TACC2: variants seen among roughly 807,000 people sequenced by gnomAD.
TACC2 encodes transforming acidic coiled-coil-containing protein 2.
A neutral mutation model predicts 227.3 loss-of-function variants in TACC2; 137 were observed. The ratio of observed to expected loss-of-function variants is 0.60; its 90% CI spans 0.52 to 0.69. TACC2 has a LOEUF of 0.69. TACC2 is among the 30% of genes least tolerant of loss of function. TACC2 has a pLI of 0.00. For missense variants in TACC2, 3,470 were observed against 3,694.4 expected, an observed-to-expected ratio of 0.94 and a Z score of 1.57; for synonymous variants, 1,523 against 1,487.5, an observed-to-expected ratio of 1.02 and a Z score of -0.55.
At chr10:122,096,600 G>C (rs1442753703) in intron 5 of TACC2, among the ~76,000 whole-genome samples, 6 of 151,922 alleles carry the variant, frequency 3.9e-5, no homozygotes, top group African/African-American at 1.5e-4. Context: ...GGAGGCTGAG[G>C]TGGGAGAATC....
intron 20 of TACC2, 108 bp from the exon 21 acceptor site, chr10:122,248,942 C>A: frequency 1.3e-6 from 2 of 1,486,028 alleles, no homozygotes; most frequent in Non-Finnish European, 1.9e-6. Flanking sequence ...GGGAGGCAGA[C>A]TTGGCCGCCT....
intron 7 of TACC2, chr10:122,163,730 C>A: frequency 1.8e-6 from 2 of 1,118,904 alleles, no homozygotes; most frequent in Non-Finnish European, 2.2e-6. Flanking sequence ...CGGCGCTCGC[C>A]CCCCGGCCCC....
At chr10:122,158,337 T>C (rs1184331263) in intron 7 of TACC2, among the ~76,000 whole-genome samples, 2 of 151,260 alleles carry the variant, frequency 1.3e-5, no homozygotes, top group African/African-American at 4.9e-5. Context: ...TGCAGTGAGC[T>C]GAGATCGTGC....
intron 8 of TACC2, among the ~76,000 whole-genome samples, chr10:122,208,704 C>A (rs965052562): frequency 4.6e-5 from 7 of 152,170 alleles, no homozygotes; most frequent in African/African-American, 1.7e-4. Context: ...ACATCCTGTC[C>A]TTTGTCTGGC....
At chr10:122,105,380 A>T (rs990208525) in intron 5 of TACC2, among the ~76,000 whole-genome samples, 3 of 152,082 alleles carry the variant, frequency 2.0e-5, no homozygotes, top group Admixed American at 2.0e-4. Flanking sequence ...GCAGTCTGGG[A>T]TGGAGGGGGA....
intron 5 of TACC2, among the ~76,000 whole-genome samples, 155 bp from the exon 6 acceptor site, chr10:122,132,454 G>A (rs59118737): frequency 0.092 from 13,959 of 152,274 alleles, 1,051 homozygotes; most frequent in African/African-American, 0.2. Context: ...GAGGCCAAGG[G>A]AGGAGAATTG....
intron 16 of TACC2, among the ~76,000 whole-genome samples, chr10:122,231,384 C>T (rs950025458): frequency 3.3e-5 from 5 of 151,358 alleles, no homozygotes; most frequent in African/African-American, 4.8e-5. Context: ...TGAACCTCTT[C>T]GAGCCTTAGT....
intron 5 of TACC2, among the ~76,000 whole-genome samples, chr10:122,100,136 C>T (rs117409688): frequency 1.5e-4 from 23 of 152,120 alleles, no homozygotes; most frequent in Non-Finnish European, 2.6e-4. Flanking sequence ...TGGTGGCGTG[C>T]GCCTGTAGTC....
At chr10:122,242,134 C>G in intron 19 of TACC2, 133 bp downstream of exon 19, 1 of 830,672 alleles carries the variant, frequency 1.2e-6, no homozygotes, top group Non-Finnish European at 2.0e-6. Context: ...CCAGAGCATT[C>G]CAGAAAATAT....
At chr10:121,998,013 G>C (rs1298826762) in intron 1 of TACC2, among the ~76,000 whole-genome samples, 1 of 152,016 alleles carries the variant, frequency 6.6e-6, no homozygotes, top group Non-Finnish European at 1.5e-5. Flanking sequence ...TCAAGGAACT[G>C]ACAAGGAAGA....
At chr10:122,053,968 C>T (rs1273646392) in intron 3 of TACC2, among the ~76,000 whole-genome samples, 1 of 152,192 alleles carries the variant, frequency 6.6e-6, no homozygotes, top group Non-Finnish European at 1.5e-5. Flanking sequence ...AGAATATAGG[C>T]AGAATGCGTG....
rs557455343 is a variant in TACC2, at chr10:122,209,784, G to A, written c.5972-613G>A. 1 of 155,588 alleles carries A rather than the reference G, an allele frequency of 6.4e-6. No individual in the cohort carries two copies. Among genetic ancestry groups the A allele is most frequent in the Non-Finnish European group, 1.4e-5 (1 of 70,202 alleles). The allele number at this position is 155,588 out of a possible 1,614,324, so 9.6% of individuals were successfully genotyped here. A position where few individuals can be genotyped will look rare whatever the true frequency, so the allele number is the denominator to read the frequency against. On this transcript the variant is annotated intron_variant, in intron 8 of 22. Transcript: ENST00000369005. The surrounding 1 kb of genome is among the most constrained non-coding windows in gnomAD (Gnocchi z 4.5). The stretch of plus-strand genomic sequence containing the variant: ...GGCTCTCTGCAACCTCTGGCTCCCA[G>A]GCTCAAGCGATTCTCCTGCCTCAGG...
intron 6 of TACC2, among the ~76,000 whole-genome samples, chr10:122,137,349 G>A (rs1001257990): frequency 2.6e-5 from 4 of 152,040 alleles, no homozygotes; most frequent in African/African-American, 9.6e-5. Context: ...CGGTTGTGGT[G>A]GTGCGTGCCT....
intron 5 of TACC2, among the ~76,000 whole-genome samples, chr10:122,110,931 A>G (rs1311038280): frequency 6.6e-6 from 1 of 152,214 alleles, no homozygotes; most frequent in Non-Finnish European, 1.5e-5. Flanking sequence ...CCCTCGAGGA[A>G]AAATCCACAT....
At chr10:122,245,197 G>A (rs1274020045) in intron 19 of TACC2, 2 of 152,154 alleles carry the variant, frequency 1.3e-5, no homozygotes, top group Admixed American at 6.5e-5. Flanking sequence ...ATTTCATGAT[G>A]TTTTGCCTGA....
intron 5 of TACC2, among the ~76,000 whole-genome samples, chr10:122,098,155 C>T (rs755517930): frequency 7.9e-5 from 12 of 152,206 alleles, no homozygotes; most frequent in African/African-American, 2.4e-4. Context: ...CCTGTCTGCT[C>T]GCTATGTACC....
chr10:122,086,342 C>T lies in TACC2; in HGVS notation c.3842C>T (p.Ala1281Val), dbSNP rs145858416. 1.2e-6 allele frequency: 2 copies of T among 1,613,776 alleles called. No homozygotes were observed. Among genetic ancestry groups the T allele is most frequent in the Non-Finnish European group, 1.7e-6 (2 of 1,180,010 alleles). Residue 1281 changes from alanine to valine, a missense_variant, in exon 4 of 23, where the codon GCT becomes GTT. Ala to Val is a moderately conservative substitution (Grantham distance 64, BLOSUM62 0). Coordinates refer to ENST00000369005, the MANE Select transcript of TACC2 (RefSeq NM_206862.4). ...VGEPPLALENAASLKLFAGSL... is the reference protein window; with the variant it reads ...VGEPPLALENVASLKLFAGSL... ...GAGCCCCCACTTGCCTTGGAAAATG[C>T]TGCCTCCTTGAAGCTGTTTGCTGGC...
intron 7 of TACC2, among the ~76,000 whole-genome samples, chr10:122,153,409 C>A (rs1044701176): frequency 6.6e-6 from 1 of 152,184 alleles, no homozygotes; most frequent in Non-Finnish European, 1.5e-5. Flanking sequence ...TGGCCGAGGC[C>A]CCAAGCTCTG....
At chr10:122,212,423 A>G (rs931046775) in intron 9 of TACC2, among the ~76,000 whole-genome samples, 1 of 152,224 alleles carries the variant, frequency 6.6e-6, no homozygotes, top group African/African-American at 2.4e-5. Context: ...GGCCAAGTAC[A>G]TCGTGCTTAA....
Sources: gnomAD v4.1 joint callset for allele counts (sites outside exome capture counted in the v4.1 genomes callset) on GRCh38, gnomAD v4.1.1 for gene constraint, Gnocchi (gnomAD v3.1) non-coding constraint, MANE v1.5 for transcripts, NCBI Gene and HGNC (gene_info 2026-07-23, HGNC 2026-07-21) for gene names.